Variants in NFIC observed in about 807,000 individuals in gnomAD.
NFIC encodes the protein nuclear factor I C.
NFIC carries 12 observed loss-of-function variants against 54.4 expected under a neutral mutation model. The observed-to-expected ratio is 0.22, with a 90% confidence interval of 0.14 to 0.36. The LOEUF (loss-of-function observed/expected upper bound fraction) is 0.36, where lower values mean the gene tolerates loss of function less well. Ranked by LOEUF, NFIC falls within the 10% of genes least tolerant of loss-of-function variation. The pLI is 1.00. For missense variants in NFIC, 575 were observed against 718.2 expected (o/e 0.80, Z 2.28); for synonymous variants, 322 against 319.2 (o/e 1.01, Z -0.09).
At chr19:3,388,645 C>T (rs941051558) in intron 2 of NFIC, among the ~76,000 whole-genome samples, 6 of 149,584 alleles carry the variant, frequency 4.0e-5, no homozygotes, top group Admixed American at 1.3e-4. Context: ...CAACATAGCA[C>T]GACCATGCCC....
chr19:3,366,979 G>T (rs1167284686), intron 1 of NFIC, among the ~76,000 whole-genome samples: 1 of 140,286 alleles, frequency 7.1e-6, no homozygotes, highest in Admixed American at 6.8e-5. Flanking sequence ...ACACACCGAC[G>T]CACTCCGCAC....
chr19:3,429,066 C>T (rs1369401819), intron 3 of NFIC, among the ~76,000 whole-genome samples: 1 of 151,234 alleles, frequency 6.6e-6, no homozygotes, highest in African/African-American at 2.4e-5. Flanking sequence ...GGGAGGATCG[C>T]TTGAGCCCAG....
chr19:3,462,843 C>T lies in NFIC; in HGVS notation c.*74C>T. 6.2e-7 allele frequency: 1 copy of T among 1,609,850 alleles called. No individual in the cohort carries two copies. The highest frequency in any genetic ancestry group is 8.5e-7 in the Non-Finnish European group (1 of 1,178,922). On this transcript the variant is annotated 3_prime_UTR_variant, in exon 11 of 11. Coordinates refer to ENST00000443272, the MANE Select transcript of NFIC (RefSeq NM_001245002.2). ...GGGGCAGCACAGCCGGCCCCCGGCCCACGTTTTCGGTGGAAAATTAGAGTG... is the reference window on the plus strand; with the variant it reads ...GGGGCAGCACAGCCGGCCCCCGGCCTACGTTTTCGGTGGAAAATTAGAGTG...
chr19:3,442,757 T>A (rs2082313328), intron 6 of NFIC, among the ~76,000 whole-genome samples: 1 of 151,996 alleles, frequency 6.6e-6, no homozygotes. Flanking sequence ...AGAGTTGGGT[T>A]CCAACTCCAC....
intron 2 of NFIC, among the ~76,000 whole-genome samples, chr19:3,395,755 A>G (rs1444638797): frequency 6.6e-6 from 1 of 151,934 alleles, no homozygotes; most frequent in African/African-American, 2.4e-5. Flanking sequence ...ATCTTGGCTC[A>G]CTGCAACCTC....
intron 6 of NFIC, among the ~76,000 whole-genome samples, chr19:3,441,825 C>A (rs2082298408): frequency 6.6e-6 from 1 of 152,168 alleles, no homozygotes. Flanking sequence ...GGGTCTCTCC[C>A]GAAGGTGCCC....
chr19:3,411,921 C>T (rs370598936), intron 2 of NFIC, among the ~76,000 whole-genome samples: 4 of 152,306 alleles, frequency 2.6e-5, no homozygotes, highest in South Asian at 2.1e-4. Context: ...CCGGCATGCA[C>T]GGCTGTTGTA....
rs972146879 is a variant in NFIC at position 3,467,661 on chromosome 19, C to CAACT, written c.*4893_*4896dup. 2.0e-5 allele frequency: 3 copies of CAACT among 150,050 alleles called. No individual in the cohort carries two copies. The highest frequency in any genetic ancestry group is 7.4e-5 in the African/African-American group (3 of 40,510). The allele number at this position is 150,050 out of a possible 1,614,324, so 9.3% of individuals were successfully genotyped here. A position where few individuals can be genotyped will look rare whatever the true frequency, so the allele number is the denominator to read the frequency against. ...GCAAGACAGGTTCTGGAGCCAGGAGCAACTGTCCAGCCCTCCAGAAGAGAC... is the reference window on the plus strand; with the variant it reads ...GCAAGACAGGTTCTGGAGCCAGGAGCAACTAACTGTCCAGCCCTCCAGAAGAGAC... On this transcript the variant is annotated 3_prime_UTR_variant, in exon 11 of 11. Coordinates refer to ENST00000443272, the MANE Select transcript of NFIC (RefSeq NM_001245002.2).
rs1265952506 is a variant in NFIC, at chr19:3,464,465, C to A, written c.*1696C>A. 2.1e-5 allele frequency: 21 copies of A among 983,754 alleles called. No homozygotes were observed. The highest frequency in any genetic ancestry group is 2.5e-5 in the Non-Finnish European group (21 of 829,382). The allele number at this position is 983,754 out of a possible 1,614,324, so 60.9% of individuals were successfully genotyped here. A position where few individuals can be genotyped will look rare whatever the true frequency, so the allele number is the denominator to read the frequency against. On this transcript the variant is annotated 3_prime_UTR_variant, in exon 11 of 11. Coordinates refer to ENST00000443272, the MANE Select transcript of NFIC (RefSeq NM_001245002.2). The stretch of plus-strand genomic sequence containing the variant: ...CCAGGATCGCCATCTTTAGGGGAGG[C>A]CTGGGAGGGGGTGTTAGGTGTTTTA...
intron 2 of NFIC, among the ~76,000 whole-genome samples, chr19:3,388,768 C>A (rs536829162): frequency 1.4e-4 from 21 of 152,128 alleles, no homozygotes; most frequent in Admixed American, 7.2e-4. Context: ...TTGGAGGTTG[C>A]AGTGAGCTGT....
At chr19:3,362,101 G>C (rs1368320941), upstream of NFIC, among the ~76,000 whole-genome samples, 2 of 152,214 alleles carry the variant, frequency 1.3e-5, no homozygotes, top group Non-Finnish European at 2.9e-5. Flanking sequence ...CGAGAGCCCA[G>C]CTCCAGGCAG....
chr19:3,468,576 G>A lies in NFIC; in HGVS notation c.*5807G>A, dbSNP rs2082747205. Reference sequence around the variant, plus strand: ...CAGGATGGGGCAGGGCATACAGTGGGGGGTGGGGGGGCAGCTGGGAGGAGG... The same window carrying A: ...CAGGATGGGGCAGGGCATACAGTGGAGGGTGGGGGGGCAGCTGGGAGGAGG... On this transcript the variant is annotated 3_prime_UTR_variant, in exon 11 of 11. Transcript: ENST00000443272. 6.6e-6 allele frequency: 1 copy of A among 152,140 alleles called. No individual in the cohort carries two copies. The highest frequency in any genetic ancestry group is 1.5e-5 in the Non-Finnish European group (1 of 68,038). 9.4% of individuals were successfully genotyped at this position (152,140 alleles called of 1,614,324 possible).
intron 7 of NFIC, among the ~76,000 whole-genome samples, chr19:3,450,747 T>C (rs963131524): frequency 2.0e-5 from 3 of 152,196 alleles, no homozygotes; most frequent in African/African-American, 7.2e-5. Context: ...CAAATATTGC[T>C]TACCACCCCA....
chr19:3,368,733 T>A (rs2080942135), intron 1 of NFIC, among the ~76,000 whole-genome samples: 1 of 152,060 alleles, frequency 6.6e-6, no homozygotes. Context: ...CCCAGCCTGG[T>A]CTGGGGTAGC....
chr19:3,448,917 T>G, intron 6 of NFIC, 97 bp from the exon 7 acceptor site: 3 of 1,496,708 alleles, frequency 2.0e-6, no homozygotes, highest in Non-Finnish European at 2.7e-6. Context: ...GGCGGGGTGA[T>G]GAGGCTTCCT....
intron 3 of NFIC, among the ~76,000 whole-genome samples, chr19:3,429,610 CAG>C (rs377742580): frequency 2.0e-5 from 3 of 152,074 alleles, no homozygotes; most frequent in African/African-American, 4.8e-5. Flanking sequence ...AAGATTGTAA[CAG>C]GGGGACTGGC....
intron 1 of NFIC, among the ~76,000 whole-genome samples, chr19:3,381,021 C>T (rs2081196892): frequency 6.6e-6 from 1 of 152,170 alleles, no homozygotes; most frequent in South Asian, 2.1e-4. Context: ...CAGTTTTACC[C>T]GTCTGTACAA....
At chr19:3,381,553 C>T (rs1167886506) in intron 1 of NFIC, among the ~76,000 whole-genome samples, 159 bp from the exon 2 acceptor site, 5 of 152,306 alleles carry the variant, frequency 3.3e-5, no homozygotes, top group Non-Finnish European at 2.9e-5. Flanking sequence ...CCTCCGGCGG[C>T]GTGCACGGGT....
chr19:3,453,749 C>G lies in NFIC; in HGVS notation c.1270-14C>G, dbSNP rs887931607. The stretch of plus-strand genomic sequence containing the variant: ...GAGCCCACCCCTTAACCACGTGTCT[C>G]TCTGTTCCCCCAGTTAAATGGAAGT... On this transcript the variant is annotated splice_polypyrimidine_tract_variant and intron_variant, in intron 8 of 10. Transcript: ENST00000443272. This position sits in a 1 kb window ranked among gnomAD's most constrained non-coding sequence, Gnocchi z 6.7. 6 of 1,597,208 alleles carry G rather than the reference C, an allele frequency of 3.8e-6. No homozygotes were observed. The highest frequency in any genetic ancestry group is 4.3e-6 in the Non-Finnish European group (5 of 1,173,488).
Sources: allele counts gnomAD v4.1 joint callset (sites outside exome capture counted in the v4.1 genomes callset), GRCh38; gene constraint gnomAD v4.1.1; non-coding constraint Gnocchi (gnomAD v3.1); transcripts MANE v1.5; gene names NCBI Gene and HGNC (gene_info 2026-07-23, HGNC 2026-07-21).